The following ABCB1 variants were observed in gnomAD, a reference collection of about 807,000 sequenced individuals.
ABCB1 encodes the protein ATP-dependent translocase ABCB1.
In ABCB1, 69 loss-of-function variants were observed where a neutral mutation model predicts 142.0. That is an observed-to-expected ratio of 0.49 (90% CI 0.40 to 0.59). The LOEUF is 0.59. Ranked by LOEUF, ABCB1 falls within the 20% of genes least tolerant of loss-of-function variation. The pLI is 0.00. For missense variants in ABCB1, 1,326 were observed against 1,554.7 expected (o/e 0.85, Z 2.47); for synonymous variants, 532 against 539.2 (o/e 0.99, Z 0.18).
intron 21 of ABCB1, chr7:87,522,167 G>T: frequency 6.9e-7 from 1 of 1,447,550 alleles, no homozygotes; most frequent in Non-Finnish European, 9.6e-7. Flanking sequence ...GGTGGTGGTG[G>T]ATATAGTGGC....
chr7:87,511,414 T>C (rs1029654444), intron 25 of ABCB1, among the ~76,000 whole-genome samples: 1 of 152,262 alleles, frequency 6.6e-6, no homozygotes, highest in Non-Finnish European at 1.5e-5. Context: ...TATTGTAGAC[T>C]GTTAAGTCTA....
Position 87,536,459 on chromosome 7 carries a change from C to T in ABCB1, c.2480G>A (p.Gly827Glu), listed in dbSNP as rs1455293604. The T allele has an allele frequency of 2.5e-6, 4 of 1,613,770 alleles. No homozygotes were observed. The highest frequency in any genetic ancestry group is 2.2e-5 in the South Asian group (2 of 91,082). ...CACCAGTAGAAAGGAGGCACGTACC[C>T]CTTTAACTTGAGCAGCATCATTGGC... Reference protein sequence around the residue: ...RLANDAAQVKGAIGSRLAVIT... With the variant: ...RLANDAAQVKEAIGSRLAVIT... The change falls in exon 20 of 28, where the codon GGG (glycine) becomes GAG (glutamate). Residue 827 changes from glycine to glutamate, a missense_variant and splice_region_variant. Physicochemically the swap from Gly to Glu is moderately conservative, Grantham distance 98. Transcript: ENST00000622132.
chr7:87,555,154 T>C (rs774282980), intron 8 of ABCB1, among the ~76,000 whole-genome samples: 10 of 152,214 alleles, frequency 6.6e-5, no homozygotes, highest in South Asian at 2.1e-4. Flanking sequence ...GATAAGCTAA[T>C]GGAGCCCAGA....
intron 1 of ABCB1, among the ~76,000 whole-genome samples, chr7:87,626,187 GTGTCATATATA>G (rs1302374376): frequency 2.6e-5 from 3 of 114,908 alleles, no homozygotes; most frequent in South Asian, 3.2e-4. Context: ...TCATATATAT[GTGTCATATATA>G]TGTCATATAT....
chr7:87,679,249 C>T (rs538905793), intron 1 of ABCB1, among the ~76,000 whole-genome samples: 13 of 149,254 alleles, frequency 8.7e-5, no homozygotes, highest in South Asian at 2.1e-4. Context: ...CCCGCCACCA[C>T]GCCCGGGTAA....
chr7:87,644,033 A>G (rs771529473), intron 1 of ABCB1, among the ~76,000 whole-genome samples: 1 of 151,800 alleles, frequency 6.6e-6, no homozygotes, highest in Non-Finnish European at 1.5e-5. Flanking sequence ...TAATTTTTAT[A>G]TTTTTAGTAG....
chr7:87,676,735 A>C (rs1204941296), intron 1 of ABCB1, among the ~76,000 whole-genome samples: 1 of 150,870 alleles, frequency 6.6e-6, no homozygotes, highest in African/African-American at 2.4e-5. Context: ...AAAAAGATAA[A>C]TGCCTTTACC....
chr7:87,626,009 C>CATATAT (rs775649461), intron 1 of ABCB1, among the ~76,000 whole-genome samples: 1 of 112,122 alleles, frequency 8.9e-6, no homozygotes, highest in African/African-American at 3.6e-5. Context: ...TGTATATGTA[C>CATATAT]ATATATATAT....
rs983438430 is a variant in ABCB1 at position 87,544,876 on chromosome 7, T to G, written c.2011A>C (p.Ser671Arg). 5.6e-6 allele frequency: 9 copies of G among 1,614,038 alleles called. No homozygotes were observed. The highest frequency in any genetic ancestry group is 3.3e-5 in the Admixed American group (2 of 60,006). Reference sequence around the variant, plus strand: ...TCTTGGGCTTGTGATCCACGGACACTCCTACGAGTTGATCTTTTTCTTATT... The same window carrying G: ...TCTTGGGCTTGTGATCCACGGACACGCCTACGAGTTGATCTTTTTCTTATT... Reference protein sequence around the residue: ...SLIRKRSTRRSVRGSQAQDRK... With the variant: ...SLIRKRSTRRRVRGSQAQDRK... The change falls in exon 16 of 28, where the codon AGT (serine) becomes CGT (arginine). Residue 671 changes from serine to arginine, a missense_variant. By Grantham distance (110) the Ser-to-Arg change is moderately radical. Coordinates refer to ENST00000622132, the MANE Select transcript of ABCB1 (RefSeq NM_001348946.2).
chr7:87,586,188 A>G (rs1818745277), intron 3 of ABCB1, among the ~76,000 whole-genome samples: 1 of 152,244 alleles, frequency 6.6e-6, no homozygotes. Flanking sequence ...CTCAAGAATG[A>G]GCAGAAAAAA....
At chr7:87,602,292 CTTT>C (rs59849542), upstream of ABCB1, among the ~76,000 whole-genome samples, 757 of 92,376 alleles carry the variant, frequency 8.2e-3, 4 homozygotes, top group East Asian at 0.04. Flanking sequence ...AGCTCGGCCT[CTTT>C]TTTTTTTTTT....
At chr7:87,570,798 C>T (rs1818017318) in intron 4 of ABCB1, among the ~76,000 whole-genome samples, 1 of 152,114 alleles carries the variant, frequency 6.6e-6, no homozygotes, top group South Asian at 2.1e-4. Context: ...CACATATACA[C>T]ACACGAGCAC....
intron 18 of ABCB1, among the ~76,000 whole-genome samples, chr7:87,539,683 C>T (rs1444622781): frequency 6.6e-6 from 1 of 152,200 alleles, no homozygotes; most frequent in East Asian, 1.9e-4. Context: ...ACTGGACTCC[C>T]TCCCCATGTT....
chr7:87,595,266 T>C (rs1819150512), intron 3 of ABCB1, among the ~76,000 whole-genome samples: 1 of 152,182 alleles, frequency 6.6e-6, no homozygotes, highest in African/African-American at 2.4e-5. Flanking sequence ...ATATGACATA[T>C]TTGAAATCAT....
chr7:87,666,334 T>C (rs1389010458), intron 1 of ABCB1, among the ~76,000 whole-genome samples: 5 of 151,896 alleles, frequency 3.3e-5, no homozygotes, highest in Admixed American at 6.6e-5. Flanking sequence ...TTTTATGGAG[T>C]GGTTTGTTTT....
rs1000931337 is a variant in ABCB1, at chr7:87,535,856, C to T, written c.2481+602G>A. ...TCTACATCATTTTGTGGACTTTTGC[C>T]ATAAACAGTTGTAGAAGAAATTGTC... On this transcript the variant is annotated intron_variant, in intron 20 of 27. Transcript: ENST00000622132. 2.6e-5 allele frequency among the ~76,000 whole-genome samples: 4 copies of T among 152,114 alleles called. No homozygotes were observed. In the South Asian group the frequency reaches 8.3e-4, roughly 32 times the overall value.
At chr7:87,626,388 A>G (rs1448929521) in intron 1 of ABCB1, among the ~76,000 whole-genome samples, 1 of 27,250 alleles carries the variant, frequency 3.7e-5, no homozygotes, top group South Asian at 2.3e-3. Flanking sequence ...TATGTGTCAT[A>G]TATATGTGTC....
At chr7:87,504,586 A>T (rs1001446609) in intron 27 of ABCB1, 137 bp from the exon 28 acceptor site, 28 of 1,144,134 alleles carry the variant, frequency 2.4e-5, no homozygotes, top group African/African-American at 4.6e-5. Context: ...AGGCGGGCAG[A>T]TCACAAGGTC....
At chr7:87,659,706 C>A (rs1157748379) in intron 1 of ABCB1, among the ~76,000 whole-genome samples, 3 of 152,100 alleles carry the variant, frequency 2.0e-5, no homozygotes, top group African/African-American at 7.2e-5. Context: ...AAAAAGAAAC[C>A]CAGGGAACTT....
Sources: gnomAD v4.1 joint callset for allele counts (sites outside exome capture counted in the v4.1 genomes callset) on GRCh38, gnomAD v4.1.1 for gene constraint, MANE v1.5 for transcripts, NCBI Gene and HGNC (gene_info 2026-07-23, HGNC 2026-07-21) for gene names.